SYT9: variants seen among roughly 807,000 people sequenced by gnomAD.
The protein encoded by SYT9 is synaptotagmin-9.
Under a neutral mutation model 48.4 loss-of-function variants are expected in SYT9, and 22 were observed. The observed-to-expected ratio is 0.45, with a 90% confidence interval of 0.32 to 0.65. The LOEUF is 0.65. SYT9 is among the 30% of genes least tolerant of loss of function. SYT9 has a pLI of 0.03. For synonymous variants in SYT9, 265 were observed against 245.0 expected, an observed-to-expected ratio of 1.08 and a Z score of -0.76; for missense variants, 577 against 622.0, an observed-to-expected ratio of 0.93 and a Z score of 0.77.
intron 6 of SYT9, among the ~76,000 whole-genome samples, chr11:7,450,852 G>A (rs766182956): frequency 1.3e-5 from 2 of 152,308 alleles, no homozygotes; most frequent in East Asian, 1.9e-4. Flanking sequence ...CTGGTCAAGC[G>A]GCTTTGAAGA....
intron 3 of SYT9, among the ~76,000 whole-genome samples, chr11:7,329,231 A>T (rs1257111138): frequency 6.6e-6 from 1 of 151,962 alleles, no homozygotes; most frequent in Non-Finnish European, 1.5e-5. Flanking sequence ...TCTTTTTCCT[A>T]TTGATAGTGC....
chr11:7,374,228 C>T (rs1041380237), intron 3 of SYT9, among the ~76,000 whole-genome samples: 2 of 152,044 alleles, frequency 1.3e-5, no homozygotes, highest in South Asian at 4.1e-4. Flanking sequence ...AGCTTCATCC[C>T]TGTCCCTGCA....
intron 3 of SYT9, among the ~76,000 whole-genome samples, chr11:7,378,836 G>C (rs1850503629): frequency 6.6e-6 from 1 of 152,010 alleles, no homozygotes; most frequent in African/African-American, 2.4e-5. Context: ...TCTTAGTTTT[G>C]ATGGGAAATT....
chr11:7,298,759 G>A (rs1848859464), intron 1 of SYT9, among the ~76,000 whole-genome samples: 1 of 152,026 alleles, frequency 6.6e-6, no homozygotes, highest in Non-Finnish European at 1.5e-5. Context: ...TGGTGTGCTA[G>A]GGATGTTGCT....
At chr11:7,380,610 AAGT>A (rs1422695294) in intron 3 of SYT9, among the ~76,000 whole-genome samples, 2 of 152,110 alleles carry the variant, frequency 1.3e-5, no homozygotes, top group Non-Finnish European at 2.9e-5. Flanking sequence ...AAAAATATAT[AAGT>A]AGCACAGCAA....
At chr11:7,242,528 G>T (rs1004204835) in intron 1 of SYT9, among the ~76,000 whole-genome samples, 4 of 152,154 alleles carry the variant, frequency 2.6e-5, no homozygotes, top group Admixed American at 2.6e-4. Context: ...CATTTTTGTT[G>T]TGTCTGGCAC....
intron 6 of SYT9, among the ~76,000 whole-genome samples, chr11:7,447,219 C>G (rs1035819812): frequency 1.3e-5 from 2 of 152,140 alleles, no homozygotes; most frequent in Admixed American, 1.3e-4. Context: ...CTGCCTGCCC[C>G]CTTCATGACT....
intron 3 of SYT9, among the ~76,000 whole-genome samples, chr11:7,362,109 TTTTC>T (rs1011915734): frequency 3.3e-5 from 5 of 151,590 alleles, no homozygotes; most frequent in Non-Finnish European, 5.9e-5. Flanking sequence ...CTTTTTTTCT[TTTTC>T]TTTCTTTCTT....
At chr11:7,329,261 A>T (rs557890902) in intron 3 of SYT9, among the ~76,000 whole-genome samples, 41 of 152,160 alleles carry the variant, frequency 2.7e-4, no homozygotes, top group Middle Eastern at 3.4e-3. Flanking sequence ...ATTTCTTTAC[A>T]TCTGTTTTTG....
upstream of SYT9, among the ~76,000 whole-genome samples, chr11:7,247,913 A>G (rs940139430): frequency 1.3e-5 from 2 of 152,044 alleles, no homozygotes; most frequent in African/African-American, 4.8e-5. Context: ...ACTGTTTTCC[A>G]TAGTGGTTGT....
At chr11:7,284,147 T>A (rs906696276) in intron 1 of SYT9, among the ~76,000 whole-genome samples, 2 of 152,160 alleles carry the variant, frequency 1.3e-5, no homozygotes, top group African/African-American at 4.8e-5. Flanking sequence ...AAGGAAAGCA[T>A]CTTTTAAATA....
rs545872659 is a variant in SYT9, at chr11:7,345,876, A to G, written c.1044+31935A>G. Reference sequence around the variant, plus strand: ...TGAAGAATACTAATGTTTAGACTTCAGATGGAAAAGAAGACCTTAATCTGA... The same window carrying G: ...TGAAGAATACTAATGTTTAGACTTCGGATGGAAAAGAAGACCTTAATCTGA... On this transcript the variant is annotated intron_variant, in intron 3 of 6. Transcript: ENST00000318881. 3.3e-5 allele frequency among the ~76,000 whole-genome samples: 5 copies of G among 152,360 alleles called. No homozygotes were observed. In the East Asian group the frequency reaches 9.6e-4, roughly 29 times the overall value.
At chr11:7,421,439 G>A (rs12362353) in intron 6 of SYT9, among the ~76,000 whole-genome samples, 26,053 of 152,200 alleles carry the variant, frequency 0.17, 2,389 homozygotes, top group East Asian at 0.29. Context: ...ACTTAGTCAC[G>A]TGGACATGTC....
intron 3 of SYT9, among the ~76,000 whole-genome samples, chr11:7,400,636 G>A (rs1191263276): frequency 6.6e-6 from 1 of 152,102 alleles, no homozygotes; most frequent in Non-Finnish European, 1.5e-5. Flanking sequence ...GCATTTATAA[G>A]ACAACTAGAA....
intron 3 of SYT9, among the ~76,000 whole-genome samples, chr11:7,335,906 C>A (rs1849623050): frequency 6.6e-6 from 1 of 151,814 alleles, no homozygotes; most frequent in Admixed American, 6.6e-5. Flanking sequence ...GTTTTTAGCT[C>A]ATTATCGCCA....
chr11:7,362,706 T>TAC (rs1208047319), intron 3 of SYT9, among the ~76,000 whole-genome samples: 26 of 144,906 alleles, frequency 1.8e-4, no homozygotes, highest in African/African-American at 7.2e-4. Flanking sequence ...ACTTATCGCA[T>TAC]ATATATATAT....
chr11:7,392,514 T>C (rs1217866298), intron 3 of SYT9, among the ~76,000 whole-genome samples: 1 of 152,164 alleles, frequency 6.6e-6, no homozygotes, highest in Non-Finnish European at 1.5e-5. Flanking sequence ...AGCTTTGTAG[T>C]ATAGTTTAAA....
At chr11:7,375,978 G>C (rs558733803) in intron 3 of SYT9, among the ~76,000 whole-genome samples, 27 of 152,054 alleles carry the variant, frequency 1.8e-4, no homozygotes, top group Admixed American at 1.6e-3. Flanking sequence ...TGACCATCCT[G>C]CTTAAAATTT....
intron 6 of SYT9, among the ~76,000 whole-genome samples, chr11:7,432,362 C>A (rs1471447405): frequency 6.6e-6 from 1 of 151,718 alleles, no homozygotes; most frequent in African/African-American, 2.4e-5. Context: ...GCCTGGACAA[C>A]ATGGTGAAAC....
Sources: gnomAD v4.1 joint callset for allele counts (sites outside exome capture counted in the v4.1 genomes callset) on GRCh38, gnomAD v4.1.1 for gene constraint, MANE v1.5 for transcripts, NCBI Gene and HGNC (gene_info 2026-07-23, HGNC 2026-07-21) for gene names.